Variants in SPPL2A observed in about 807,000 individuals in gnomAD.
SPPL2A encodes the protein signal peptide peptidase-like 2A.
Under a neutral mutation model 63.8 loss-of-function variants are expected in SPPL2A, and 51 were observed. The ratio of observed to expected loss-of-function variants is 0.80; its 90% CI spans 0.64 to 1.01. The LOEUF is 1.01. Among genes scored for constraint, SPPL2A ranks in the 50% least tolerant of loss-of-function variants. The pLI, the probability that SPPL2A is intolerant of heterozygous loss-of-function variation, is 0.00. For synonymous variants in SPPL2A, 188 were observed against 205.8 expected (o/e 0.91, Z 0.74); for missense variants, 553 against 622.7 (o/e 0.89, Z 1.19).
At chr15:50,723,874 G>T (rs1194541510) in intron 12 of SPPL2A, among the ~76,000 whole-genome samples, 1 of 152,174 alleles carries the variant, frequency 6.6e-6, no homozygotes, top group East Asian at 1.9e-4. Flanking sequence ...TCCCAAAGAA[G>T]AAATCTCAGC....
At chr15:50,754,114 G>C (rs997488597) in intron 1 of SPPL2A, among the ~76,000 whole-genome samples, 2 of 152,120 alleles carry the variant, frequency 1.3e-5, no homozygotes, top group East Asian at 3.9e-4. Context: ...TTTCTTAAAA[G>C]ACTTTATTTT....
intron 1 of SPPL2A, among the ~76,000 whole-genome samples, chr15:50,755,654 A>G (rs2414065): frequency 0.24 from 32,936 of 139,746 alleles, 5,051 homozygotes; most frequent in East Asian, 0.54. Context: ...AAAAAAAAAA[A>G]AAGAAGAAAA....
intron 11 of SPPL2A, 171 bp downstream of exon 11, chr15:50,726,150 G>T: frequency 6.6e-7 from 1 of 1,523,708 alleles, no homozygotes. Context: ...CAAGTCAATA[G>T]GTATTTAATA....
At chr15:50,740,144 G>A (rs1025078022) in intron 5 of SPPL2A, among the ~76,000 whole-genome samples, 2 of 152,010 alleles carry the variant, frequency 1.3e-5, no homozygotes, top group East Asian at 1.9e-4. Context: ...AAGAGATGAC[G>A]TTGGCCGAGC....
chr15:50,714,334 G>A (rs1375586487), intron 14 of SPPL2A, among the ~76,000 whole-genome samples: 1 of 152,086 alleles, frequency 6.6e-6, no homozygotes, highest in East Asian at 1.9e-4. Flanking sequence ...TGAAGCAGAG[G>A]CAAATTTTTT....
chr15:50,762,897 T>TG (rs2063024948), intron 1 of SPPL2A, among the ~76,000 whole-genome samples: 1 of 135,012 alleles, frequency 7.4e-6, no homozygotes, highest in South Asian at 2.4e-4. Context: ...CACGCCCGGC[T>TG]AATTTTTTTT....
intron 13 of SPPL2A, among the ~76,000 whole-genome samples, chr15:50,721,509 C>A (rs965423692): frequency 7.2e-5 from 11 of 151,818 alleles, no homozygotes; most frequent in African/African-American, 2.4e-4. Flanking sequence ...TGACTTACTG[C>A]AGCCTTGACC....
rs752242047 is a variant in SPPL2A, at chr15:50,765,455, C to A, written c.66+13G>T. 16 of 1,500,314 alleles carry A rather than the reference C, an allele frequency of 1.1e-5. No individual in the cohort carries two copies. In the South Asian group the frequency reaches 1.4e-4, roughly 13 times the overall value. 92.9% of individuals were successfully genotyped at this position (1,500,314 alleles called of 1,614,324 possible). A position where few individuals can be genotyped will look rare whatever the true frequency, so the allele number is the denominator to read the frequency against. On this transcript the variant is annotated intron_variant, in intron 1 of 14. Coordinates refer to ENST00000261854, the MANE Select transcript of SPPL2A (RefSeq NM_032802.4). The stretch of plus-strand genomic sequence containing the variant: ...AGCCCCTGGGAGGCCTGCGCGCCTT[C>A]CCGCCCCCTTACCAGCTGGAGCAGG...
At chr15:50,735,983 C>T in intron 8 of SPPL2A, 118 bp downstream of exon 8, 4 of 619,810 alleles carry the variant, frequency 6.5e-6, no homozygotes, top group Admixed American at 5.6e-5. Flanking sequence ...TAGTTCATTA[C>T]AAGACTGGTG....
chr15:50,763,602 T>C (rs1295071183), intron 1 of SPPL2A, among the ~76,000 whole-genome samples: 2 of 152,010 alleles, frequency 1.3e-5, no homozygotes, highest in Non-Finnish European at 2.9e-5. Context: ...AGGTGCAATA[T>C]AAAAGGCCTA....
chr15:50,764,932 T>A (rs1157329615), intron 1 of SPPL2A, among the ~76,000 whole-genome samples: 1 of 150,456 alleles, frequency 6.6e-6, no homozygotes. Context: ...AAAACCCTCA[T>A]AACAGAATCA....
chr15:50,764,284 G>A (rs1165217418), intron 1 of SPPL2A, among the ~76,000 whole-genome samples: 2 of 151,934 alleles, frequency 1.3e-5, no homozygotes, highest in African/African-American at 4.8e-5. Context: ...AGTATTATCT[G>A]TCTGATTACA....
At chr15:50,731,148 C>A (rs2062727487) in intron 9 of SPPL2A, 109 bp from the exon 10 acceptor site, 1 of 541,506 alleles carries the variant, frequency 1.8e-6, no homozygotes, top group Non-Finnish European at 3.3e-6. Context: ...TTAAATATTA[C>A]TTTTAAAAAG....
In SPPL2A at chr15:50,749,499, G is replaced by A; in HGVS notation, c.177+137C>T. On this transcript the variant is annotated intron_variant, in intron 2 of 14. Coordinates refer to ENST00000261854, the MANE Select transcript of SPPL2A (RefSeq NM_032802.4). ...GAAGGGGTTTCACCGTGTTAGCCAG[G>A]ATGGTCTTGATCTCCTGACCTCATG... 6.4e-6 allele frequency: 4 copies of A among 629,822 alleles called. No individual in the cohort carries two copies. The East Asian group carries it at 1.1e-4, about 17-fold the overall frequency. The allele number at this position is 629,822 out of a possible 1,614,324, so 39.0% of individuals were successfully genotyped here.
intron 1 of SPPL2A, among the ~76,000 whole-genome samples, chr15:50,757,992 A>T (rs1385001799): frequency 1.3e-5 from 2 of 149,100 alleles, no homozygotes; most frequent in South Asian, 4.2e-4. Context: ...TCAATTATAA[A>T]AAAAAAAAAA....
Position 50,765,458 on chromosome 15 carries a change from G to A in SPPL2A, c.66+10C>T, listed in dbSNP as rs571449364. On this transcript the variant is annotated intron_variant, in intron 1 of 14. Coordinates refer to ENST00000261854, the MANE Select transcript of SPPL2A (RefSeq NM_032802.4). ...CCCTGGGAGGCCTGCGCGCCTTCCC[G>A]CCCCCTTACCAGCTGGAGCAGGAAG... 4.5e-4 allele frequency: 680 copies of A among 1,499,356 alleles called. 1 individual carries two copies. The African/African-American group carries it at 8.5e-3, about 19-fold the overall frequency. 92.9% of individuals were successfully genotyped at this position (1,499,356 alleles called of 1,614,324 possible).
At chr15:50,726,271 A>C in intron 11 of SPPL2A, 50 bp downstream of exon 11, 1 of 1,570,454 alleles carries the variant, frequency 6.4e-7, no homozygotes, top group Non-Finnish European at 8.8e-7. Context: ...TATTAACCGG[A>C]TACACATACA....
intron 5 of SPPL2A, chr15:50,743,067 T>C (rs1021317654): frequency 2.0e-5 from 3 of 151,764 alleles, no homozygotes; most frequent in Non-Finnish European, 4.4e-5. Context: ...AGCTCAGGAG[T>C]TCGAAACTAG....
intron 10 of SPPL2A, among the ~76,000 whole-genome samples, chr15:50,728,414 G>A (rs2062703017): frequency 6.6e-6 from 1 of 151,820 alleles, no homozygotes; most frequent in Non-Finnish European, 1.5e-5. Context: ...CACGATCTCG[G>A]ATCACTGCAA....
Sources: allele counts gnomAD v4.1 joint callset (sites outside exome capture counted in the v4.1 genomes callset), GRCh38; gene constraint gnomAD v4.1.1; transcripts MANE v1.5; gene names NCBI Gene and HGNC (gene_info 2026-07-23, HGNC 2026-07-21).